ARHGAP15: variants seen among roughly 807,000 people sequenced by gnomAD.
ARHGAP15 encodes rho GTPase-activating protein 15.
ARHGAP15 carries 51 observed loss-of-function variants against 63.7 expected under a neutral mutation model. The observed-to-expected ratio is 0.80, with a 90% confidence interval of 0.64 to 1.01. The LOEUF is 1.01. Ranked by LOEUF, ARHGAP15 falls within the 50% of genes least tolerant of loss-of-function variation. The probability of loss-of-function intolerance (pLI) is 0.00; values close to 1 mark genes in which losing one functional copy is unlikely to be tolerated. For missense variants in ARHGAP15, 560 were observed against 564.6 expected (o/e 0.99, Z 0.08); for synonymous variants, 191 against 193.8 (o/e 0.99, Z 0.12).
At chr2:143,555,270 G>A (rs947905714) in intron 10 of ARHGAP15, among the ~76,000 whole-genome samples, 5 of 152,062 alleles carry the variant, frequency 3.3e-5, no homozygotes, top group Non-Finnish European at 5.9e-5. Context: ...TGCCAGTAAA[G>A]TGCTTTGGGA....
intron 6 of ARHGAP15, among the ~76,000 whole-genome samples, chr2:143,355,290 A>G (rs1417751706): frequency 2.0e-5 from 3 of 152,204 alleles, no homozygotes; most frequent in Non-Finnish European, 4.4e-5. Flanking sequence ...AAGAAAACTG[A>G]AAAGACAGCC....
intron 1 of ARHGAP15, among the ~76,000 whole-genome samples, chr2:143,141,333 G>C (rs1689353773): frequency 6.6e-6 from 1 of 152,098 alleles, no homozygotes; most frequent in South Asian, 2.1e-4. Context: ...GTTGGTATTA[G>C]GGCATTGAAT....
intron 12 of ARHGAP15, among the ~76,000 whole-genome samples, chr2:143,699,770 G>A (rs935821598): frequency 6.6e-6 from 1 of 152,170 alleles, no homozygotes; most frequent in Non-Finnish European, 1.5e-5. Flanking sequence ...CCAGTGGCTT[G>A]GGCCTCAAAA....
At chr2:143,189,097 A>G (rs923121761) in intron 2 of ARHGAP15, among the ~76,000 whole-genome samples, 1 of 152,162 alleles carries the variant, frequency 6.6e-6, no homozygotes, top group Non-Finnish European at 1.5e-5. Flanking sequence ...AATTTAACAG[A>G]TTATTTAATT....
intron 13 of ARHGAP15, among the ~76,000 whole-genome samples, chr2:143,735,542 T>C (rs1685711115): frequency 6.6e-6 from 1 of 152,188 alleles, no homozygotes; most frequent in African/African-American, 2.4e-5. Context: ...TCTCACTGTG[T>C]GAAAAGAAAA....
chr2:143,333,777 AATATAG>A (rs545900454), intron 6 of ARHGAP15, among the ~76,000 whole-genome samples: 30 of 152,310 alleles, frequency 2.0e-4, no homozygotes, highest in South Asian at 1.2e-3. Context: ...AGATTCGGGA[AATATAG>A]ATATAGAAGA....
At chr2:143,281,279 A>G (rs930039042) in intron 6 of ARHGAP15, among the ~76,000 whole-genome samples, 3 of 152,290 alleles carry the variant, frequency 2.0e-5, no homozygotes, top group Non-Finnish European at 4.4e-5. Context: ...AAATACATCA[A>G]ATATATACAT....
At chr2:143,167,161 A>G (rs899992858) in intron 2 of ARHGAP15, among the ~76,000 whole-genome samples, 3 of 152,114 alleles carry the variant, frequency 2.0e-5, no homozygotes, top group African/African-American at 7.2e-5. Flanking sequence ...CTTTGCTACT[A>G]GGGTCTGACT....
chr2:143,510,092 A>G (rs1054410840), intron 9 of ARHGAP15, among the ~76,000 whole-genome samples: 3 of 151,444 alleles, frequency 2.0e-5, no homozygotes, highest in Admixed American at 6.6e-5. Context: ...TTTTGGGCTG[A>G]AAACCAATTC....
chr2:143,455,900 A>C (rs1347268736), intron 8 of ARHGAP15, among the ~76,000 whole-genome samples: 1 of 152,048 alleles, frequency 6.6e-6, no homozygotes, highest in Non-Finnish European at 1.5e-5. Flanking sequence ...CTGGAGGCTG[A>C]CATTATTTCC....
At chr2:143,673,508 G>A (rs1682636681) in intron 12 of ARHGAP15, among the ~76,000 whole-genome samples, 1 of 151,440 alleles carries the variant, frequency 6.6e-6, no homozygotes. Context: ...ATGTTGGCCA[G>A]GCTGGTCTCG....
At chr2:143,644,785 T>C (rs1007848466) in intron 12 of ARHGAP15, among the ~76,000 whole-genome samples, 1 of 152,038 alleles carries the variant, frequency 6.6e-6, no homozygotes, top group Admixed American at 6.6e-5. Flanking sequence ...AATATAAATG[T>C]GTATGCATGT....
intron 6 of ARHGAP15, among the ~76,000 whole-genome samples, chr2:143,408,028 T>C (rs1434903057): frequency 7.9e-6 from 1 of 126,036 alleles, no homozygotes; most frequent in African/African-American, 3.0e-5. Flanking sequence ...TATATATATA[T>C]ATATCCTTTT....
chr2:143,472,696 TGGG>T (rs1175495853), intron 8 of ARHGAP15, among the ~76,000 whole-genome samples: 3 of 151,652 alleles, frequency 2.0e-5, no homozygotes, highest in African/African-American at 7.3e-5. Flanking sequence ...ATGATGATGA[TGGG>T]GGGAATGATG....
chr2:143,537,477 G>A (rs1694833763), intron 10 of ARHGAP15, among the ~76,000 whole-genome samples: 1 of 152,160 alleles, frequency 6.6e-6, no homozygotes, highest in Non-Finnish European at 1.5e-5. Flanking sequence ...GAATGGTATT[G>A]CCTAGGTTTT....
intron 9 of ARHGAP15, among the ~76,000 whole-genome samples, chr2:143,506,350 GTCAC>G (rs1363092269): frequency 6.6e-6 from 1 of 152,070 alleles, no homozygotes; most frequent in African/African-American, 2.4e-5. Context: ...CCTCAGACTT[GTCAC>G]TCAAACAAAT....
intron 12 of ARHGAP15, among the ~76,000 whole-genome samples, chr2:143,663,842 G>T (rs1253901194): frequency 1.3e-5 from 2 of 152,078 alleles, no homozygotes; most frequent in Non-Finnish European, 2.9e-5. Flanking sequence ...ATGGTAAAGG[G>T]ATCAATTCAA....
intron 6 of ARHGAP15, among the ~76,000 whole-genome samples, chr2:143,401,237 A>G (rs930663227): frequency 6.6e-6 from 1 of 152,030 alleles, no homozygotes; most frequent in Non-Finnish European, 1.5e-5. Flanking sequence ...GGAGGTAGAA[A>G]TAAATATTTA....
At chr2:143,461,281 C>CA (rs70982868) in intron 8 of ARHGAP15, among the ~76,000 whole-genome samples, 18,809 of 55,118 alleles carry the variant, frequency 0.34, 6,182 homozygotes, top group East Asian at 0.77. Flanking sequence ...CTCTGTCTCT[C>CA]AAAAAAAAAA....
Sources: gnomAD v4.1 joint callset for allele counts (sites outside exome capture counted in the v4.1 genomes callset) on GRCh38, gnomAD v4.1.1 for gene constraint, MANE v1.5 for transcripts, NCBI Gene and HGNC (gene_info 2026-07-23, HGNC 2026-07-21) for gene names.